Variants in CD36 observed in about 807,000 individuals in gnomAD.
CD36 encodes platelet glycoprotein 4.
In CD36, 119 loss-of-function variants were observed where a neutral mutation model predicts 55.2. The ratio of observed to expected loss-of-function variants is 2.15; its 90% CI spans 1.86 to 2.51. CD36 has a LOEUF of 2.51. Ranked by LOEUF, CD36 falls within the 30% of genes most tolerant of loss-of-function variation. The pLI, the probability that CD36 is intolerant of heterozygous loss-of-function variation, is 0.00. For synonymous variants in CD36, 186 were observed against 193.6 expected (o/e 0.96, Z 0.33); for missense variants, 819 against 555.5 (o/e 1.47, Z -4.77).
chr7:80,613,352 G>A, intron 1 of CD36, among the ~76,000 whole-genome samples: 1 of 152,004 alleles, frequency 6.6e-6, no homozygotes, highest in East Asian at 1.9e-4. Flanking sequence ...AAGAGAAATA[G>A]TGTGTTTTAA....
chr7:80,651,942 C>T (rs1795657809), intron 3 of CD36, among the ~76,000 whole-genome samples: 1 of 151,996 alleles, frequency 6.6e-6, no homozygotes, highest in Admixed American at 6.6e-5. Flanking sequence ...ATTAATAGTC[C>T]ATATTTTAAA....
chr7:80,674,536 G>A (rs542104031), intron 14 of CD36: 253 of 228,942 alleles, frequency 1.1e-3, no homozygotes, highest in African/African-American at 5.7e-3. Context: ...CATGCTGGCC[G>A]TGCATTTTCC....
chr7:80,646,610 T>A, intron 2 of CD36, 42 bp from the exon 3 acceptor site: 1 of 1,078,276 alleles, frequency 9.3e-7, no homozygotes, highest in Non-Finnish European at 1.4e-6. Flanking sequence ...CTTTTTGTAC[T>A]GATATTTAAG....
At chr7:80,614,251 C>A (rs754512454) in intron 1 of CD36, among the ~76,000 whole-genome samples, 9 of 152,098 alleles carry the variant, frequency 5.9e-5, no homozygotes, top group Admixed American at 1.3e-4. Flanking sequence ...TGTGGAGAAA[C>A]AATGGTGACT....
intron 3 of CD36, among the ~76,000 whole-genome samples, chr7:80,649,629 CAG>C (rs1039293105): frequency 2.7e-4 from 41 of 152,032 alleles, no homozygotes; most frequent in African/African-American, 8.9e-4. Context: ...CAAAGTAAAA[CAG>C]AGGTTTTATA....
intron 12 of CD36, 39 bp from the exon 13 acceptor site, chr7:80,673,316 A>G (rs900890964): frequency 9.0e-6 from 8 of 885,930 alleles, no homozygotes; most frequent in African/African-American, 1.7e-5. Flanking sequence ...TATAAATATT[A>G]GTTTATATGT....
chr7:80,660,124 C>T (rs975297107), intron 4 of CD36, among the ~76,000 whole-genome samples: 2 of 152,156 alleles, frequency 1.3e-5, no homozygotes, highest in African/African-American at 2.4e-5. Flanking sequence ...ACTTCACAGG[C>T]ATTCAAATAT....
At chr7:80,618,513 CAGTT>C (rs1191030272) in intron 1 of CD36, among the ~76,000 whole-genome samples, 2 of 152,134 alleles carry the variant, frequency 1.3e-5, no homozygotes, top group Non-Finnish European at 2.9e-5. Flanking sequence ...TGACACCAAA[CAGTT>C]AGCTAAGTTG....
intron 1 of CD36, among the ~76,000 whole-genome samples, chr7:80,630,272 C>T (rs1230997818): frequency 6.6e-6 from 1 of 151,992 alleles, no homozygotes; most frequent in African/African-American, 2.4e-5. Context: ...AAAGTGAGCA[C>T]ATCCTTAAAA....
In CD36 at chr7:80,676,865, C is replaced by T. The variant is rs893866388; in HGVS notation, c.*482C>T. On this transcript the variant is annotated 3_prime_UTR_variant, in exon 15 of 15. Coordinates refer to ENST00000447544, the MANE Select transcript of CD36 (RefSeq NM_001001548.3). ...TGGCATCTTCAGAATGCTTTTCTAG[C>T]ATTAAGAGATGTAAATGATAAAGGA... is the stretch of plus-strand genomic sequence containing the variant. 1 of 151,696 alleles carries T rather than the reference C, an allele frequency of 6.6e-6. No homozygotes were observed. The highest frequency in any genetic ancestry group is 1.5e-5 in the Non-Finnish European group (1 of 67,976). The allele number at this position is 151,696 out of a possible 1,614,324, so 9.4% of individuals were successfully genotyped here.
intron 4 of CD36, among the ~76,000 whole-genome samples, chr7:80,657,322 C>T (rs1796170906): frequency 1.3e-5 from 2 of 152,160 alleles, no homozygotes; most frequent in Non-Finnish European, 2.9e-5. Context: ...TTCCTAACTG[C>T]GGTACCTACT....
chr7:80,654,306 C>G (rs1795851356), intron 3 of CD36, among the ~76,000 whole-genome samples: 1 of 152,054 alleles, frequency 6.6e-6, no homozygotes, highest in Non-Finnish European at 1.5e-5. Context: ...TAGGTCGGTA[C>G]AAAAGTAATT....
At chr7:80,657,655 T>C (rs945328461) in intron 4 of CD36, among the ~76,000 whole-genome samples, 1 of 152,098 alleles carries the variant, frequency 6.6e-6, no homozygotes, top group Non-Finnish European at 1.5e-5. Context: ...AGACACTCTG[T>C]CTTTTTCACT....
intron 9 of CD36, 33 bp from the exon 10 acceptor site, chr7:80,670,944 C>T: frequency 3.4e-6 from 5 of 1,475,940 alleles, no homozygotes; most frequent in Non-Finnish European, 4.7e-6. Context: ...AGTTCAGGTT[C>T]CTGGAATGCA....
chr7:80,612,264 T>C (rs894486148), intron 1 of CD36, among the ~76,000 whole-genome samples: 1 of 152,232 alleles, frequency 6.6e-6, no homozygotes, highest in African/African-American at 2.4e-5. Context: ...TAAAATATCA[T>C]TCCTGTTATG....
intron 7 of CD36, among the ~76,000 whole-genome samples, chr7:80,665,307 C>T (rs1796966330): frequency 6.8e-6 from 1 of 146,974 alleles, no homozygotes; most frequent in African/African-American, 2.4e-5. Flanking sequence ...CTTTCTTCTC[C>T]ATAAAATTAA....
intron 3 of CD36, among the ~76,000 whole-genome samples, chr7:80,652,885 C>T (rs968642272): frequency 1.3e-5 from 2 of 152,096 alleles, no homozygotes; most frequent in Non-Finnish European, 2.9e-5. Context: ...TAAGTGTTCA[C>T]GTTTATTGAT....
Position 80,670,033 on chromosome 7 carries a change from T to A in CD36, c.818+11T>A. On this transcript the variant is annotated intron_variant, in intron 9 of 14. Coordinates refer to ENST00000447544, the MANE Select transcript of CD36 (RefSeq NM_001001548.3). ...TTCTGATATTTGCAGGTAAGACAGA[T>A]ACTGAAGTATAAGTATGTCTGAGTC... 6.5e-7 allele frequency: 1 copy of A among 1,550,166 alleles called. No homozygotes were observed. Among genetic ancestry groups the A allele is most frequent in the Non-Finnish European group, 8.9e-7 (1 of 1,122,992 alleles).
chr7:80,629,898 CTT>C (rs56195239), intron 1 of CD36, among the ~76,000 whole-genome samples: 46,132 of 146,304 alleles, frequency 0.32, 7,619 homozygotes, highest in South Asian at 0.45. Context: ...CAATAGTAGC[CTT>C]TTTTTTTTTT....
Sources: allele counts gnomAD v4.1 joint callset (sites outside exome capture counted in the v4.1 genomes callset), GRCh38; gene constraint gnomAD v4.1.1; transcripts MANE v1.5; gene names NCBI Gene and HGNC (gene_info 2026-07-23, HGNC 2026-07-21).